The following KCTD7 variants were observed in gnomAD, a reference collection of about 807,000 sequenced individuals.
The protein encoded by KCTD7 is BTB/POZ domain-containing protein KCTD7.
KCTD7 carries 15 observed loss-of-function variants against 27.0 expected under a neutral mutation model. The ratio of observed to expected loss-of-function variants is 0.56; its 90% confidence interval spans 0.37 to 0.86. The LOEUF (loss-of-function observed/expected upper bound fraction) is 0.86, where lower values mean the gene tolerates loss of function less well. KCTD7 is among the 40% of genes least tolerant of loss of function. The pLI, the probability that KCTD7 is intolerant of heterozygous loss-of-function variation, is 0.00. For missense variants in KCTD7, 299 were observed against 398.9 expected (o/e 0.75, Z 2.13); for synonymous variants, 159 against 162.7 (o/e 0.98, Z 0.17).
chr7:66,635,346 ACAAAACCTTTCC>A (rs1178794184), intron 2 of KCTD7, among the ~76,000 whole-genome samples: 1 of 152,184 alleles, frequency 6.6e-6, no homozygotes, highest in Non-Finnish European at 1.5e-5. Context: ...AAAAAAGAAA[ACAAAACCTTTCC>A]CAAGAAAGGA....
chr7:66,631,142 G>A (rs568175849), intron 1 of KCTD7, among the ~76,000 whole-genome samples: 69 of 152,242 alleles, frequency 4.5e-4, no homozygotes, highest in African/African-American at 1.5e-3. Context: ...GGTGAATTTT[G>A]GGTCTTTATT....
chr7:66,629,131 G>A lies in KCTD7; in HGVS notation c.67G>A (p.Ala23Thr). ...RQDGAMSSSD[A>T]EDDFLEPATP... ...GGACGGTGCCATGTCCAGCTCTGAC[G>A]CCGAAGACGACTTTCTGGAGCCGGC... The change falls in exon 1 of 4, where the codon GCC (alanine) becomes ACC (threonine). Residue 23 changes from alanine (A) to threonine (T), a missense_variant. Ala to Thr is a moderately conservative substitution (Grantham distance 58, BLOSUM62 0). Coordinates refer to ENST00000639828, the MANE Select transcript of KCTD7 (RefSeq NM_153033.5). 1 of 1,537,088 alleles carries A rather than the reference G, an allele frequency of 6.5e-7. No homozygotes were observed.
chr7:66,641,962 T>C lies in KCTD7; in HGVS notation c.*2730T>C. 1.0e-6 allele frequency: 1 copy of C among 985,442 alleles called. No individual in the cohort carries two copies. The highest frequency in any genetic ancestry group is 1.2e-6 in the Non-Finnish European group (1 of 829,934). The allele number at this position is 985,442 out of a possible 1,614,324, so 61.0% of individuals were successfully genotyped here. A position where few individuals can be genotyped will look rare whatever the true frequency, so the allele number is the denominator to read the frequency against. On this transcript the variant is annotated 3_prime_UTR_variant, in exon 4 of 4. Coordinates refer to ENST00000639828, the MANE Select transcript of KCTD7 (RefSeq NM_153033.5). ...CTCCCTGATCATAAGGAAGTGCATC[T>C]TTATAGAATTGTTGTGCATAATGTC...
intron 1 of KCTD7, among the ~76,000 whole-genome samples, chr7:66,631,112 T>G (rs965726736): frequency 3.2e-4 from 48 of 152,166 alleles, no homozygotes; most frequent in African/African-American, 1.0e-3. Flanking sequence ...TAACTACCTG[T>G]CTATTTCTTT....
At position 66,629,058 on chromosome 7, in the gene KCTD7, C is replaced by T. The variant is rs1414398512; in HGVS notation, c.-7C>T. On this transcript the variant is annotated 5_prime_UTR_variant, in exon 1 of 4. Coordinates refer to ENST00000639828, the MANE Select transcript of KCTD7 (RefSeq NM_153033.5). Reference sequence around the variant, plus strand: ...CGAAGCCGCGCCCACTGCCCAGAGCCAGAGGGATGGTGGTAGTCACGGGGC... The same window carrying T: ...CGAAGCCGCGCCCACTGCCCAGAGCTAGAGGGATGGTGGTAGTCACGGGGC... The T allele has an allele frequency of 2.0e-6, 3 of 1,514,400 alleles. No individual in the cohort carries two copies. Among genetic ancestry groups the T allele is most frequent in the Non-Finnish European group, 2.7e-6 (3 of 1,130,544 alleles). The allele number at this position is 1,514,400 out of a possible 1,614,324, so 93.8% of individuals were successfully genotyped here.
Position 66,639,895 on chromosome 7 carries a change from C to T in KCTD7, c.*663C>T. ...GCACCCAGTTGGCCTTAGAAAACCA[C>T]AATGTTTACAGCCCTGTCTTAGGGC... On this transcript the variant is annotated 3_prime_UTR_variant, in exon 4 of 4. Coordinates refer to ENST00000639828, the MANE Select transcript of KCTD7 (RefSeq NM_153033.5). 1 of 1,245,516 alleles carries T rather than the reference C, an allele frequency of 8.0e-7. No individual in the cohort carries two copies. Among genetic ancestry groups the T allele is most frequent in the Non-Finnish European group, 1.0e-6 (1 of 995,968 alleles). 77.2% of individuals were successfully genotyped at this position (1,245,516 alleles called of 1,614,324 possible).
Position 66,638,979 on chromosome 7 carries a change from T to C in KCTD7, c.617T>C (p.Leu206Pro), listed in dbSNP as rs1786650159. The part of the protein sequence containing the change: ...EMPITPYECP[L>P]LNSLRFERSE... ...CCCATCACCCCCTATGAGTGTCCGC[T>C]CCTCAACTCCCTGCGATTTGAGCGG... The change falls in exon 4 of 4, where the codon CTC (leucine) becomes CCC (proline). Residue 206 changes from leucine to proline, a missense_variant. Physicochemically the swap from Leu to Pro is moderately conservative, Grantham distance 98. Transcript: ENST00000639828. 1 of 1,614,212 alleles carries C rather than the reference T, an allele frequency of 6.2e-7. No homozygotes were observed.
chr7:66,640,383 C>G lies in KCTD7; in HGVS notation c.*1151C>G. On this transcript the variant is annotated 3_prime_UTR_variant, in exon 4 of 4. Coordinates refer to ENST00000639828, the MANE Select transcript of KCTD7 (RefSeq NM_153033.5). The stretch of plus-strand genomic sequence containing the variant: ...CCTGTATATTTTGGTTTACTTACTC[C>G]TCTATTTCAGAAATTGAAAAAGATC... The G allele has an allele frequency of 6.5e-7, 1 of 1,537,242 alleles. No homozygotes were observed. Among genetic ancestry groups the G allele is most frequent in the African/African-American group, 1.4e-5 (1 of 73,162 alleles).
At position 66,640,244 on chromosome 7, in the gene KCTD7, GAGACACACA is replaced by G; in HGVS notation, c.*1013_*1021del. ...TGAGAAGGTAAAGGAAGGGCTGGGT[GAGACACACA>G]GCTATCCTAGGAGCCGTAGGAAGAC... is the stretch of plus-strand genomic sequence containing the variant. On this transcript the variant is annotated 3_prime_UTR_variant, in exon 4 of 4. Coordinates refer to ENST00000639828, the MANE Select transcript of KCTD7 (RefSeq NM_153033.5). 1 of 1,476,392 alleles carries G rather than the reference GAGACACACA, an allele frequency of 6.8e-7. No individual in the cohort carries two copies. The allele number at this position is 1,476,392 out of a possible 1,614,324, so 91.5% of individuals were successfully genotyped here.
At position 66,642,405 on chromosome 7, in the gene KCTD7, T is replaced by C; in HGVS notation, c.*3173T>C. On this transcript the variant is annotated 3_prime_UTR_variant, in exon 4 of 4. Coordinates refer to ENST00000639828, the MANE Select transcript of KCTD7 (RefSeq NM_153033.5). ...CTTGTGCCTAAGGCTTATCAGGTGA[T>C]ATAATCTTCCTGTTCTGGGCTGCTT... is the stretch of plus-strand genomic sequence containing the variant. 4.1e-6 allele frequency: 4 copies of C among 985,414 alleles called. No individual in the cohort carries two copies. The highest frequency in any genetic ancestry group is 4.8e-6 in the Non-Finnish European group (4 of 829,932). 61.0% of individuals were successfully genotyped at this position (985,414 alleles called of 1,614,324 possible).
downstream of KCTD7, chr7:66,643,185 C>T: frequency 1.0e-6 from 1 of 985,338 alleles, no homozygotes; most frequent in Non-Finnish European, 1.2e-6. Context: ...CAGGCTTTTC[C>T]CTGAGACCAG....
chr7:66,634,192 TTCTATCTATCTA>T (rs3069694), intron 2 of KCTD7, among the ~76,000 whole-genome samples: 4,677 of 139,954 alleles, frequency 0.033, 128 homozygotes, highest in East Asian at 0.088. Context: ...ATGTGTGTGA[TTCTATCTATCTA>T]TCTATCTATC....
At chr7:66,630,587 G>A (rs971044395) in intron 1 of KCTD7, among the ~76,000 whole-genome samples, 3 of 152,244 alleles carry the variant, frequency 2.0e-5, no homozygotes, top group Non-Finnish European at 4.4e-5. Flanking sequence ...GCTGGGCTAG[G>A]TGATGCTCTT....
At chr7:66,629,982 G>A (rs1028592605) in intron 1 of KCTD7, among the ~76,000 whole-genome samples, 1 of 152,162 alleles carries the variant, frequency 6.6e-6, no homozygotes, top group Non-Finnish European at 1.5e-5. Flanking sequence ...TCAAGAGACG[G>A]GAGAAGATAC....
At position 66,628,895 on chromosome 7, in the gene KCTD7, G is replaced by T. The variant is rs191169882; in HGVS notation, c.-170G>T. The T allele has an allele frequency of 1.9e-5, 10 of 530,728 alleles. No individual in the cohort carries two copies. Among genetic ancestry groups the T allele is most frequent in the Non-Finnish European group, 2.9e-5 (10 of 339,842 alleles). The allele number at this position is 530,728 out of a possible 1,614,324, so 32.9% of individuals were successfully genotyped here. Reference sequence around the variant, plus strand: ...GGTCAGGCCCCAGCTGGGCGCGAGCGGGTCGGCGTTGAGGGAGCCACCGCC... The same window carrying T: ...GGTCAGGCCCCAGCTGGGCGCGAGCTGGTCGGCGTTGAGGGAGCCACCGCC... On this transcript the variant is annotated 5_prime_UTR_variant, in exon 1 of 4. Transcript: ENST00000639828.
Position 66,639,727 on chromosome 7 carries a change from AAAGAG to A in KCTD7, c.*496_*500del. Reference sequence around the variant, plus strand: ...ACCCCATAGCCCCTGGCTGAAGAAGAAAGAGCATCTTCTCTCCCACTGCACCCCTT... The same window carrying A: ...ACCCCATAGCCCCTGGCTGAAGAAGACATCTTCTCTCCCACTGCACCCCTT... On this transcript the variant is annotated 3_prime_UTR_variant, in exon 4 of 4. Coordinates refer to ENST00000639828, the MANE Select transcript of KCTD7 (RefSeq NM_153033.5). 8.0e-7 allele frequency: 1 copy of A among 1,249,442 alleles called. No homozygotes were observed. The highest frequency in any genetic ancestry group is 3.7e-5 in the South Asian group (1 of 26,920). The allele number at this position is 1,249,442 out of a possible 1,614,324, so 77.4% of individuals were successfully genotyped here.
chr7:66,630,322 G>A (rs1172138656), intron 1 of KCTD7, among the ~76,000 whole-genome samples: 1 of 152,122 alleles, frequency 6.6e-6, no homozygotes, highest in Non-Finnish European at 1.5e-5. Flanking sequence ...CAGGTGTGGT[G>A]GCTTACACTT....
Position 66,640,773 on chromosome 7 carries a change from T to A in KCTD7, c.*1541T>A, listed in dbSNP as rs1786696581. The A allele has an allele frequency of 1.2e-5, 12 of 1,008,066 alleles. No homozygotes were observed. The highest frequency in any genetic ancestry group is 1.4e-5 in the Non-Finnish European group (12 of 840,012). The allele number at this position is 1,008,066 out of a possible 1,614,324, so 62.4% of individuals were successfully genotyped here. A position where few individuals can be genotyped will look rare whatever the true frequency, so the allele number is the denominator to read the frequency against. ...TGAGCCCAGGAGATTAAGACTGTAGTATACTATGATCGTGCCTGTGGCTAG... is the reference window on the plus strand; with the variant it reads ...TGAGCCCAGGAGATTAAGACTGTAGAATACTATGATCGTGCCTGTGGCTAG... On this transcript the variant is annotated 3_prime_UTR_variant, in exon 4 of 4. Coordinates refer to ENST00000639828, the MANE Select transcript of KCTD7 (RefSeq NM_153033.5).
chr7:66,637,392 T>C (rs1786612479), intron 2 of KCTD7, among the ~76,000 whole-genome samples: 1 of 152,104 alleles, frequency 6.6e-6, no homozygotes, highest in Non-Finnish European at 1.5e-5. Context: ...GGCCTAAAGG[T>C]CTTATATAGG....
Sources: allele counts gnomAD v4.1 joint callset (sites outside exome capture counted in the v4.1 genomes callset), GRCh38; gene constraint gnomAD v4.1.1; transcripts MANE v1.5; gene names NCBI Gene and HGNC (gene_info 2026-07-23, HGNC 2026-07-21).